VSTM5: variants seen among roughly 807,000 people sequenced by gnomAD.
VSTM5 encodes V-set and transmembrane domain-containing protein 5.
In VSTM5, 21 loss-of-function variants were observed where a neutral mutation model predicts 20.3. That is an observed-to-expected ratio of 1.03 (90% CI 0.73 to 1.49). The LOEUF (loss-of-function observed/expected upper bound fraction) is 1.49, where lower values mean the gene tolerates loss of function less well. Ranked by LOEUF, VSTM5 falls within the 40% of genes most tolerant of loss-of-function variation. The pLI, the probability that VSTM5 is intolerant of heterozygous loss-of-function variation, is 0.00. For missense variants in VSTM5, 219 were observed against 250.0 expected (o/e 0.88, Z 0.84); for synonymous variants, 100 against 102.5 (o/e 0.98, Z 0.14).
intron 1 of VSTM5, among the ~76,000 whole-genome samples, chr11:93,843,313 T>C (rs1399426574): frequency 6.6e-6 from 1 of 152,124 alleles, no homozygotes; most frequent in African/African-American, 2.4e-5. Context: ...CACTTATCCC[T>C]CTCTGTTGTA....
intron 1 of VSTM5, among the ~76,000 whole-genome samples, chr11:93,848,680 T>G (rs1000417555): frequency 1.3e-5 from 2 of 152,210 alleles, no homozygotes; most frequent in Non-Finnish European, 2.9e-5. Flanking sequence ...CCCTCTTGTT[T>G]GCATGTCTGT....
chr11:93,820,929 A>G (rs1373701450), intron 2 of VSTM5, 46 bp from the exon 3 acceptor site: 1 of 1,550,842 alleles, frequency 6.4e-7, no homozygotes, highest in East Asian at 2.4e-5. Context: ...ATTTCTTTTA[A>G]TATCGTGAAA....
intron 1 of VSTM5, among the ~76,000 whole-genome samples, chr11:93,830,386 G>A (rs1225307397): frequency 1.3e-5 from 2 of 152,222 alleles, no homozygotes; most frequent in Non-Finnish European, 2.9e-5. Flanking sequence ...TGGCCACCCT[G>A]TGCCAGCCTC....
chr11:93,820,353 A>G lies in VSTM5; in HGVS notation c.*216T>C. On this transcript the variant is annotated 3_prime_UTR_variant, in exon 4 of 4. Coordinates refer to ENST00000409977, the MANE Select transcript of VSTM5 (RefSeq NM_001144871.2). ...GCGAAGCTCCTGGTTCAAAGCCTCA[A>G]TCACTCTTCTCCTTGAACTTAGCGC... 2 of 570,324 alleles carry G rather than the reference A, an allele frequency of 3.5e-6. No homozygotes were observed. The highest frequency in any genetic ancestry group is 2.0e-5 in the South Asian group (1 of 49,448). 35.3% of individuals were successfully genotyped at this position (570,324 alleles called of 1,614,324 possible).
chr11:93,825,464 C>T lies in VSTM5; in HGVS notation c.92-4141G>A, dbSNP rs1420622841. On this transcript the variant is annotated intron_variant, in intron 1 of 3. Transcript: ENST00000409977. Reference sequence around the variant, plus strand: ...GGATTACATGCGTGAGCCACTGCATCTGGCCTGCTTTTTTGATTTCTCTGA... The same window carrying T: ...GGATTACATGCGTGAGCCACTGCATTTGGCCTGCTTTTTTGATTTCTCTGA... 2.0e-5 allele frequency among the ~76,000 whole-genome samples: 3 copies of T among 152,218 alleles called. No individual in the cohort carries two copies. In the East Asian group the frequency reaches 5.8e-4, roughly 29 times the overall value.
At chr11:93,841,470 G>C (rs1343538363) in intron 1 of VSTM5, among the ~76,000 whole-genome samples, 1 of 152,210 alleles carries the variant, frequency 6.6e-6, no homozygotes, top group Non-Finnish European at 1.5e-5. Flanking sequence ...CCTAGGTGAT[G>C]CTTCCTTCAC....
Position 93,821,146 on chromosome 11 carries a change from G to A in VSTM5, c.269C>T (p.Ser90Phe). The A allele has an allele frequency of 1.3e-6, 2 of 1,552,174 alleles. No individual in the cohort carries two copies. The highest frequency in any genetic ancestry group is 1.7e-4 in the Middle Eastern group (1 of 5,998). Residue 90 changes from serine to phenylalanine, a missense_variant, in exon 2 of 4, where the codon TCT (serine) becomes TTT (phenylalanine). By Grantham distance (155) the Ser-to-Phe change is radical (BLOSUM62 -2). Transcript: ENST00000409977. The part of the protein sequence containing the change: ...EWKPGTQANI[S>F]QSHKDRVCTF... ...GCAGACTCTGTCCTTGTGGCTTTGAGAGATGTTGGCCTGAGTCCCTGGTTT... is the reference window on the plus strand; with the variant it reads ...GCAGACTCTGTCCTTGTGGCTTTGAAAGATGTTGGCCTGAGTCCCTGGTTT...
At chr11:93,823,593 A>AT (rs1449008349) in intron 1 of VSTM5, among the ~76,000 whole-genome samples, 1 of 152,084 alleles carries the variant, frequency 6.6e-6, no homozygotes, top group Admixed American at 6.6e-5. Flanking sequence ...TATGAGTTCA[A>AT]TTTTTTTAGA....
chr11:93,841,046 A>T (rs1026507104), intron 1 of VSTM5, among the ~76,000 whole-genome samples: 2 of 151,922 alleles, frequency 1.3e-5, no homozygotes, highest in Non-Finnish European at 2.9e-5. Context: ...AAAAGGAAAA[A>T]CCCCACCTTC....
chr11:93,830,236 C>T (rs76574981), intron 1 of VSTM5, among the ~76,000 whole-genome samples: 2,463 of 152,270 alleles, frequency 0.016, 59 homozygotes, highest in African/African-American at 0.055. Context: ...TCTGGAAGGA[C>T]GGTCTGGCAG....
At chr11:93,822,271 C>T (rs1159757745) in intron 1 of VSTM5, among the ~76,000 whole-genome samples, 1 of 151,994 alleles carries the variant, frequency 6.6e-6, no homozygotes, top group Admixed American at 6.6e-5. Flanking sequence ...TTAGTAGAGA[C>T]AGGGTTTCAC....
intron 1 of VSTM5, among the ~76,000 whole-genome samples, chr11:93,832,914 T>A (rs958269297): frequency 6.6e-6 from 1 of 152,186 alleles, no homozygotes; most frequent in Non-Finnish European, 1.5e-5. Flanking sequence ...TTTACATTTC[T>A]TTAATGTTTC....
intron 1 of VSTM5, among the ~76,000 whole-genome samples, chr11:93,835,838 A>G (rs1198055930): frequency 6.6e-6 from 1 of 152,244 alleles, no homozygotes; most frequent in East Asian, 1.9e-4. Context: ...CCAGGGGGTA[A>G]GGAGGAGGAA....
Position 93,821,018 on chromosome 11 carries a change from T to G in VSTM5, c.397A>C (p.Thr133Pro). ...TTACCAGAGACGTGCAGCACGATGG[T>G]GCCAAACTGGCTGCTCCCCAGGCGC... ...TERLGSSQFG[T>P]IVLHVSEILY... The change falls in exon 2 of 4, where the codon ACC becomes CCC. Residue 133 changes from threonine to proline, a missense_variant. Transcript: ENST00000409977. 1 of 1,551,688 alleles carries G rather than the reference T, an allele frequency of 6.4e-7. No homozygotes were observed. The highest frequency in any genetic ancestry group is 8.7e-7 in the Non-Finnish European group (1 of 1,146,990).
chr11:93,830,176 G>A (rs1944270227), intron 1 of VSTM5, among the ~76,000 whole-genome samples: 1 of 152,166 alleles, frequency 6.6e-6, no homozygotes. Flanking sequence ...AGGCAGAACA[G>A]GACCCACGAG....
chr11:93,839,767 G>A (rs1223589052), intron 1 of VSTM5, among the ~76,000 whole-genome samples: 1 of 152,162 alleles, frequency 6.6e-6, no homozygotes, highest in Non-Finnish European at 1.5e-5. Context: ...GTTATGGTTT[G>A]AATAGTGTGT....
intron 1 of VSTM5, among the ~76,000 whole-genome samples, chr11:93,845,030 C>G (rs1233332606): frequency 6.6e-6 from 1 of 151,734 alleles, no homozygotes; most frequent in East Asian, 1.9e-4. Context: ...GTTGGGTGTT[C>G]TGAGAACAGC....
At chr11:93,821,554 A>G (rs1335728493) in intron 1 of VSTM5, 1 of 542,330 alleles carries the variant, frequency 1.8e-6, no homozygotes, top group African/African-American at 1.9e-5. Flanking sequence ...ACTATTTAGA[A>G]TGCTCCCTTT....
In VSTM5 at chr11:93,838,957, T is replaced by G. The variant is rs1346148791; in HGVS notation, c.91+11455A>C. Among the ~76,000 whole-genome samples, 3 of 152,168 alleles carry G rather than the reference T, an allele frequency of 2.0e-5. No individual in the cohort carries two copies. In the East Asian group the frequency reaches 5.8e-4, roughly 29 times the overall value. The stretch of plus-strand genomic sequence containing the variant: ...GAAAGACAGGGTCGGGGACCAACAT[T>G]TAAGGAGCTCCTGCTCTTGGGCCCA... On this transcript the variant is annotated intron_variant, in intron 1 of 3. Coordinates refer to ENST00000409977, the MANE Select transcript of VSTM5 (RefSeq NM_001144871.2).
Sources: allele counts gnomAD v4.1 joint callset (sites outside exome capture counted in the v4.1 genomes callset), GRCh38; gene constraint gnomAD v4.1.1; transcripts MANE v1.5; gene names NCBI Gene and HGNC (gene_info 2026-07-23, HGNC 2026-07-21).